Variants in NACC2 observed in about 807,000 individuals in gnomAD.
The protein encoded by NACC2 is nucleus accumbens-associated protein 2.
In NACC2, 8 loss-of-function variants were observed where a neutral mutation model predicts 25.1. The observed-to-expected ratio is 0.32, with a 90% CI of 0.19 to 0.57. The LOEUF is 0.57. NACC2 is among the 20% of genes least tolerant of loss of function. NACC2 has a pLI of 0.89. For synonymous variants in NACC2, 435 were observed against 294.7 expected, an observed-to-expected ratio of 1.48 and a Z score of -4.88; for missense variants, 644 against 650.2, an observed-to-expected ratio of 0.99 and a Z score of 0.10.
intron 2 of NACC2, among the ~76,000 whole-genome samples, chr9:136,021,433 C>T (rs1029249564): frequency 6.6e-6 from 1 of 151,876 alleles, no homozygotes; most frequent in East Asian, 1.9e-4. Context: ...CCCAGTGCGG[C>T]GAAACATAAA....
intron 2 of NACC2, among the ~76,000 whole-genome samples, chr9:136,023,330 G>A (rs1281817824): frequency 6.6e-6 from 1 of 151,912 alleles, no homozygotes; most frequent in Non-Finnish European, 1.5e-5. Flanking sequence ...TGACCCTGCA[G>A]CCCGCCAGGG....
At position 136,016,401 on chromosome 9, in the gene NACC2, C is replaced by T. The variant is rs1030960188; in HGVS notation, c.915G>A (p.Leu305=). Residue 305 remains leucine, a synonymous_variant, in exon 3 of 6, where the codon CTG becomes CTA. Coordinates refer to ENST00000277554, the MANE Select transcript of NACC2 (RefSeq NM_144653.5). ...AVQEKPEPVP[L]ESRSCVLIRR... ...GGATGAGGACGCAGGAGCGGCTCTC[C>T]AGCGGCACTGGCTCAGGCTTCTCTT... 6.2e-7 allele frequency: 1 copy of T among 1,611,200 alleles called. No homozygotes were observed.
intron 2 of NACC2, among the ~76,000 whole-genome samples, chr9:136,021,465 T>C (rs982696383): frequency 5.9e-5 from 9 of 152,084 alleles, no homozygotes; most frequent in Non-Finnish European, 8.8e-5. Context: ...CCCCAAGTGC[T>C]GGCGAGGACA....
chr9:136,070,868 T>C (rs184769354), intron 1 of NACC2, among the ~76,000 whole-genome samples: 3 of 151,786 alleles, frequency 2.0e-5, no homozygotes, highest in Admixed American at 2.0e-4. Flanking sequence ...AATTTTAGTA[T>C]CAGAAATGAA....
chr9:136,082,875 G>A (rs755721510), intron 1 of NACC2, among the ~76,000 whole-genome samples: 4 of 152,218 alleles, frequency 2.6e-5, no homozygotes, highest in Non-Finnish European at 4.4e-5. Context: ...AAGCAGCTGA[G>A]TGTATTTCTG....
At position 136,086,705 on chromosome 9, in the gene NACC2, C is replaced by T. The variant is rs1830382092; in HGVS notation, c.-60+8484G>A. On this transcript the variant is annotated intron_variant, in intron 1 of 5. Coordinates refer to ENST00000277554, the MANE Select transcript of NACC2 (RefSeq NM_144653.5). The surrounding 1 kb of genome is among the most constrained non-coding windows in gnomAD (Gnocchi z 5.6). ...GACAACGCCGACTCCTAGGAAAACC[C>T]TCCCCGACCAGTGGCCCCGTTTCCC... Among the ~76,000 whole-genome samples, 1 of 152,222 alleles carries T rather than the reference C, an allele frequency of 6.6e-6. No individual in the cohort carries two copies. The highest frequency in any genetic ancestry group is 6.5e-5 in the Admixed American group (1 of 15,286).
At chr9:136,029,978 C>T (rs909074385) in intron 2 of NACC2, among the ~76,000 whole-genome samples, 2 of 152,176 alleles carry the variant, frequency 1.3e-5, no homozygotes, top group African/African-American at 4.8e-5. Context: ...CCACCGGCCA[C>T]AGAGGTTTCT....
At chr9:136,063,785 AGGT>A in intron 1 of NACC2, among the ~76,000 whole-genome samples, 1 of 151,200 alleles carries the variant, frequency 6.6e-6, no homozygotes, top group Non-Finnish European at 1.5e-5. Context: ...CAGGAGGCTG[AGGT>A]AGGAGAATCA....
At chr9:136,065,149 T>G (rs1841065280) in intron 1 of NACC2, among the ~76,000 whole-genome samples, 1 of 152,162 alleles carries the variant, frequency 6.6e-6, no homozygotes, top group Admixed American at 6.5e-5. Flanking sequence ...GGTTAAACAA[T>G]GGATTCTTAG....
intron 1 of NACC2, among the ~76,000 whole-genome samples, chr9:136,092,530 G>A (rs909786842): frequency 2.6e-5 from 4 of 152,176 alleles, no homozygotes; most frequent in African/African-American, 9.7e-5. Context: ...TTCGAGCCAC[G>A]CCTGGAAGCC....
At chr9:136,032,257 G>A (rs1037700668) in intron 2 of NACC2, among the ~76,000 whole-genome samples, 1 of 152,216 alleles carries the variant, frequency 6.6e-6, no homozygotes, top group Non-Finnish European at 1.5e-5. Context: ...CCAGGAATAC[G>A]AAGTTATTTC....
chr9:136,018,257 C>T lies in NACC2; in HGVS notation c.887-1828G>A, dbSNP rs896880967. 1.1e-4 allele frequency among the ~76,000 whole-genome samples: 17 copies of T among 151,912 alleles called. No individual in the cohort carries two copies. The highest frequency in any genetic ancestry group is 2.2e-4 in the African/African-American group (9 of 41,378). On this transcript the variant is annotated intron_variant, in intron 2 of 5. Transcript: ENST00000277554. This position sits in a 1 kb window ranked among gnomAD's most constrained non-coding sequence, Gnocchi z 4.4. ...AAACTCTACAGGGGTGGCTGAGCCT[C>T]GGGGCGTGGGGGGGCTGCCAAGGGG... is the stretch of plus-strand genomic sequence containing the variant.
At chr9:136,012,255 C>G (rs1238733718) in intron 5 of NACC2, among the ~76,000 whole-genome samples, 2 of 152,252 alleles carry the variant, frequency 1.3e-5, no homozygotes, top group Non-Finnish European at 2.9e-5. Flanking sequence ...CTGGCCTGGT[C>G]AGGCCCAGCA....
At chr9:136,072,146 GA>G (rs1381824214) in intron 1 of NACC2, among the ~76,000 whole-genome samples, 2 of 152,080 alleles carry the variant, frequency 1.3e-5, no homozygotes, top group East Asian at 3.9e-4. Context: ...GCTGAGGCAG[GA>G]GAATTACTTG....
In NACC2 at chr9:136,007,517, A is replaced by AGACGTG. The variant is rs1564212944; in HGVS notation, c.*3998_*3999insCACGTC. 1.3e-4 allele frequency: 11 copies of AGACGTG among 83,954 alleles called. No homozygotes were observed. Among genetic ancestry groups the AGACGTG allele is most frequent in the African/African-American group, 3.2e-4 (10 of 30,988 alleles). The allele number at this position is 83,954 out of a possible 1,614,324, so 5.2% of individuals were successfully genotyped here. On this transcript the variant is annotated 3_prime_UTR_variant, in exon 6 of 6. Coordinates refer to ENST00000277554, the MANE Select transcript of NACC2 (RefSeq NM_144653.5). Reference sequence around the variant, plus strand: ...GACACACACATGCACAGACGCGCACACACAGACGCACAGACGTGCACACAC... The same window carrying AGACGTG: ...GACACACACATGCACAGACGCGCACAGACGTGCACAGACGCACAGACGTGCACACAC...
At position 136,022,468 on chromosome 9, in the gene NACC2, C is replaced by T. The variant is rs990554384; in HGVS notation, c.887-6039G>A. ...CAGAGCCCAGGGCCGGCTGTGGGGC[C>T]AACTGGTGCAGACGTGGCATTTAGT... On this transcript the variant is annotated intron_variant, in intron 2 of 5. Coordinates refer to ENST00000277554, the MANE Select transcript of NACC2 (RefSeq NM_144653.5). The surrounding 1 kb of genome is among the most constrained non-coding windows in gnomAD (Gnocchi z 4.4). 2.6e-5 allele frequency among the ~76,000 whole-genome samples: 4 copies of T among 152,220 alleles called. No individual in the cohort carries two copies. The highest frequency in any genetic ancestry group is 5.9e-5 in the Non-Finnish European group (4 of 68,040).
At chr9:136,038,382 C>A (rs912026259) in intron 2 of NACC2, among the ~76,000 whole-genome samples, 24 of 152,032 alleles carry the variant, frequency 1.6e-4, no homozygotes, top group African/African-American at 5.1e-4. Context: ...CAAAAAAAAT[C>A]CACAAAAATT....
intron 2 of NACC2, among the ~76,000 whole-genome samples, chr9:136,021,297 T>C (rs1322635329): frequency 6.6e-6 from 1 of 152,126 alleles, no homozygotes; most frequent in African/African-American, 2.4e-5. Flanking sequence ...TCCTTAGCCA[T>C]GGGAGAAATG....
chr9:136,038,130 C>T lies in NACC2; in HGVS notation c.886+11506G>A, dbSNP rs1038322233. Among the ~76,000 whole-genome samples, 718 of 152,174 alleles carry T rather than the reference C, an allele frequency of 4.7e-3. 3 individuals carry two copies. Among genetic ancestry groups the T allele is most frequent in the Non-Finnish European group, 7.1e-3 (486 of 68,008 alleles). Reference sequence around the variant, plus strand: ...AGCCAGGAAACAGATTAGCGGTGGCCGGGAGTCAGGGGAAGCGGGGGGAAA... The same window carrying T: ...AGCCAGGAAACAGATTAGCGGTGGCTGGGAGTCAGGGGAAGCGGGGGGAAA... On this transcript the variant is annotated intron_variant, in intron 2 of 5. Transcript: ENST00000277554.
Sources: allele counts gnomAD v4.1 joint callset (sites outside exome capture counted in the v4.1 genomes callset), GRCh38; gene constraint gnomAD v4.1.1; non-coding constraint Gnocchi (gnomAD v3.1); transcripts MANE v1.5; gene names NCBI Gene and HGNC (gene_info 2026-07-23, HGNC 2026-07-21).